NR3C2: variants seen among roughly 807,000 people sequenced by gnomAD.
The protein encoded by NR3C2 is nuclear receptor subfamily 3 group C member 2, also known as mineralocorticoid receptor.
NR3C2 carries 15 observed loss-of-function variants against 86.4 expected under a neutral mutation model. The ratio of observed to expected loss-of-function variants is 0.17; its 90% CI spans 0.12 to 0.27. The LOEUF (loss-of-function observed/expected upper bound fraction) is 0.27. Among genes scored for constraint, NR3C2 ranks in the 10% least tolerant of loss-of-function variants. The pLI, the probability that NR3C2 is intolerant of heterozygous loss-of-function variation, is 1.00. For synonymous variants in NR3C2, 458 were observed against 450.5 expected, an observed-to-expected ratio of 1.02 and a Z score of -0.21; for missense variants, 960 against 1,195.6, an observed-to-expected ratio of 0.80 and a Z score of 2.91.
intron 4 of NR3C2, among the ~76,000 whole-genome samples, chr4:148,169,981 T>C (rs6847959): frequency 0.18 from 27,131 of 152,198 alleles, 2,454 homozygotes; most frequent in Middle Eastern, 0.29. Context: ...GAAAAGATTA[T>C]TTGTTAACAG....
intron 4 of NR3C2, among the ~76,000 whole-genome samples, chr4:148,158,390 T>A (rs1560952075): frequency 6.6e-6 from 1 of 152,236 alleles, no homozygotes; most frequent in African/African-American, 2.4e-5. Context: ...TCTCAACTGA[T>A]TCATTTGAAA....
intron 2 of NR3C2, among the ~76,000 whole-genome samples, chr4:148,412,841 A>ACCC (rs113459613): frequency 1.3e-5 from 2 of 151,114 alleles, no homozygotes; most frequent in African/African-American, 2.4e-5. Flanking sequence ...ACACACACAC[A>ACCC]CCCCTTAGTT....
rs369462916 is a variant in NR3C2, at chr4:148,375,267, C to T, written c.1757+59837G>A. Among the ~76,000 whole-genome samples the T allele has an allele frequency of 3.0e-4, 46 of 152,124 alleles. No individual in the cohort carries two copies. The East Asian group carries it at 7.2e-3, about 24-fold the overall frequency. On this transcript the variant is annotated intron_variant, in intron 2 of 8. Coordinates refer to ENST00000358102, the MANE Select transcript of NR3C2 (RefSeq NM_000901.5). ...GGTCGGTAGTTCGAAACCAGCCTGG[C>T]CAACATGGTGAAACCCCATCTCTAC...
intron 2 of NR3C2, among the ~76,000 whole-genome samples, chr4:148,363,521 T>TTTTTTTTTTTTAG (rs1579208008): frequency 6.7e-6 from 1 of 148,236 alleles, no homozygotes; most frequent in Non-Finnish European, 1.5e-5. Flanking sequence ...TTTTTTTTTT[T>TTTTTTTTTTTTAG]GAGACGGAGT....
chr4:148,318,313 G>C (rs959025451), intron 2 of NR3C2, among the ~76,000 whole-genome samples: 4 of 151,622 alleles, frequency 2.6e-5, no homozygotes, highest in African/African-American at 9.7e-5. Flanking sequence ...CTTTGCTATT[G>C]TGAATAATGC....
chr4:148,081,706 C>T (rs1223342598), intron 8 of NR3C2, among the ~76,000 whole-genome samples: 1 of 152,178 alleles, frequency 6.6e-6, no homozygotes, highest in Non-Finnish European at 1.5e-5. Flanking sequence ...TCATGGAAAA[C>T]AAACAAATTC....
rs896784645 is a variant in NR3C2 at position 148,079,213 on chromosome 4, G to A, written c.*2131C>T. 4 of 152,228 alleles carry A rather than the reference G, an allele frequency of 2.6e-5. No individual in the cohort carries two copies. The highest frequency in any genetic ancestry group is 9.6e-5 in the African/African-American group (4 of 41,466). The allele number at this position is 152,228 out of a possible 1,614,324, so 9.4% of individuals were successfully genotyped here. ...TAGCAACTCCCAGTCTGCATGCTGT[G>A]TATTTATTACCTTCAAAGTGTGGCT... On this transcript the variant is annotated 3_prime_UTR_variant, in exon 9 of 9. Transcript: ENST00000358102.
chr4:148,118,601 G>A (rs539970355), intron 7 of NR3C2, among the ~76,000 whole-genome samples: 4 of 152,034 alleles, frequency 2.6e-5, no homozygotes, highest in Non-Finnish European at 5.9e-5. Flanking sequence ...CACAGTCCCA[G>A]TCCCCAGTTC....
chr4:148,346,127 G>A (rs1439139968), intron 2 of NR3C2, among the ~76,000 whole-genome samples: 1 of 152,060 alleles, frequency 6.6e-6, no homozygotes, highest in Non-Finnish European at 1.5e-5. Context: ...AAGGCAGGCA[G>A]GGAAATGACC....
At chr4:148,242,928 A>G (rs1739131517) in intron 3 of NR3C2, among the ~76,000 whole-genome samples, 1 of 152,172 alleles carries the variant, frequency 6.6e-6, no homozygotes, top group African/African-American at 2.4e-5. Context: ...TAACACACAA[A>G]AATACTATTA....
At chr4:148,178,942 A>C (rs563822670) in intron 4 of NR3C2, among the ~76,000 whole-genome samples, 41 of 151,126 alleles carry the variant, frequency 2.7e-4, no homozygotes, top group African/African-American at 8.9e-4. Flanking sequence ...TAAAAAAAAA[A>C]AAAAACAAAA....
intron 2 of NR3C2, among the ~76,000 whole-genome samples, chr4:148,394,209 C>A (rs549361092): frequency 3.3e-5 from 5 of 152,196 alleles, no homozygotes; most frequent in Non-Finnish European, 5.9e-5. Context: ...AGCTGCCTGA[C>A]TGGGCCCAGC....
chr4:148,201,730 G>A (rs533357138), intron 3 of NR3C2, among the ~76,000 whole-genome samples: 1 of 152,264 alleles, frequency 6.6e-6, no homozygotes, highest in South Asian at 2.1e-4. Flanking sequence ...TTAGAAGGGA[G>A]TCTCATTTCT....
chr4:148,327,188 A>G (rs1744013322), intron 2 of NR3C2, among the ~76,000 whole-genome samples: 1 of 151,938 alleles, frequency 6.6e-6, no homozygotes, highest in Admixed American at 6.5e-5. Flanking sequence ...ATAAATAAAA[A>G]TATCTTATTT....
chr4:148,202,638 G>A (rs1736782867), intron 3 of NR3C2, among the ~76,000 whole-genome samples: 1 of 152,194 alleles, frequency 6.6e-6, no homozygotes, highest in Admixed American at 6.5e-5. Flanking sequence ...GAATCCGGGT[G>A]GGAAATGTGC....
intron 2 of NR3C2, among the ~76,000 whole-genome samples, chr4:148,323,700 T>C (rs6839999): frequency 0.7 from 105,960 of 151,874 alleles, 37,547 homozygotes; most frequent in East Asian, 0.88. Flanking sequence ...TGACCCCTTG[T>C]GCTTCCCAAG....
chr4:148,114,510 A>G (rs1280290767), intron 7 of NR3C2, among the ~76,000 whole-genome samples: 1 of 152,212 alleles, frequency 6.6e-6, no homozygotes. Flanking sequence ...CACCAATATT[A>G]TGACATAACT....
At chr4:148,175,987 T>G (rs753461068) in intron 4 of NR3C2, among the ~76,000 whole-genome samples, 1 of 152,176 alleles carries the variant, frequency 6.6e-6, no homozygotes, top group East Asian at 1.9e-4. Context: ...TAAAATAAAC[T>G]AAAAATAAAA....
At chr4:148,215,626 C>A (rs1737493043) in intron 3 of NR3C2, among the ~76,000 whole-genome samples, 1 of 152,056 alleles carries the variant, frequency 6.6e-6, no homozygotes, top group South Asian at 2.1e-4. Flanking sequence ...AACACTGGCA[C>A]CAAAAACATG....
Sources: allele counts gnomAD v4.1 joint callset (sites outside exome capture counted in the v4.1 genomes callset), GRCh38; gene constraint gnomAD v4.1.1; transcripts MANE v1.5; gene names NCBI Gene and HGNC (gene_info 2026-07-23, HGNC 2026-07-21).